POLR3C: variants seen among roughly 807,000 people sequenced by gnomAD.
The protein encoded by POLR3C is RNA polymerase III subunit C.
A neutral mutation model predicts 65.9 loss-of-function variants in POLR3C; 44 were observed. That is an observed-to-expected ratio of 0.67 (90% CI 0.52 to 0.86). The LOEUF is 0.86. POLR3C is among the 40% of genes least tolerant of loss of function. The pLI, the probability that POLR3C is intolerant of heterozygous loss-of-function variation, is 0.00. For missense variants in POLR3C, 576 were observed against 653.2 expected, an observed-to-expected ratio of 0.88 and a Z score of 1.29; for synonymous variants, 263 against 231.6, an observed-to-expected ratio of 1.14 and a Z score of -1.23.
chr1:145,843,403 C>A lies in POLR3C; in HGVS notation c.*983C>A, dbSNP rs1652436615. On this transcript the variant is annotated 3_prime_UTR_variant, in exon 15 of 15. Coordinates refer to ENST00000334163, the MANE Select transcript of POLR3C (RefSeq NM_006468.8). ...TTTTATAATATCTTCAGTTTTCTCT[C>A]ACCAATGTGTTTTCTAATTGTTTAA... Among the ~76,000 whole-genome samples the A allele has an allele frequency of 6.6e-6, 1 of 152,180 alleles. No homozygotes were observed. The highest frequency in any genetic ancestry group is 1.5e-5 in the Non-Finnish European group (1 of 68,030).
intron 7 of POLR3C, 68 bp from the exon 8 acceptor site, chr1:145,836,426 A>G (rs1651848879): frequency 3.3e-6 from 3 of 908,214 alleles, no homozygotes; most frequent in Middle Eastern, 2.1e-4. Context: ...GGCCTAAAAC[A>G]TCTTTATTTC....
At position 145,844,147 on chromosome 1, in the gene POLR3C, C is replaced by T. The variant is rs1652489724; in HGVS notation, c.*1727C>T. ...AAAACAGAACTATGCTCCAGCAGTTCCACTACTGGGTATATATATATCTCC... is the reference window on the plus strand; with the variant it reads ...AAAACAGAACTATGCTCCAGCAGTTTCACTACTGGGTATATATATATCTCC... On this transcript the variant is annotated 3_prime_UTR_variant, in exon 15 of 15. Transcript: ENST00000334163. Among the ~76,000 whole-genome samples, 1 of 152,142 alleles carries T rather than the reference C, an allele frequency of 6.6e-6. No individual in the cohort carries two copies. Among genetic ancestry groups the T allele is most frequent in the African/African-American group, 2.4e-5 (1 of 41,428 alleles).
At chr1:145,832,769 A>T (rs1449450033) in intron 5 of POLR3C, among the ~76,000 whole-genome samples, 1 of 152,146 alleles carries the variant, frequency 6.6e-6, no homozygotes, top group African/African-American at 2.4e-5. Flanking sequence ...CACACCTATA[A>T]TCCCAGCACT....
chr1:145,840,882 A>G, intron 13 of POLR3C, 40 bp from the exon 14 acceptor site: 1 of 1,550,722 alleles, frequency 6.4e-7, no homozygotes, highest in Middle Eastern at 1.7e-4. Flanking sequence ...AGAATCTCCC[A>G]GGTTAGGGAA....
rs1201196967 is a variant in POLR3C, at chr1:145,842,793, T to TGATAGATAGATAGATAGATAGATA, written c.*374_*397dup. 0.059 allele frequency among the ~76,000 whole-genome samples: 8,385 copies of TGATAGATAGATAGATAGATAGATA among 142,370 alleles called. 274 individuals carry two copies. The highest frequency in any genetic ancestry group is 0.091 in the African/African-American group (2,996 of 33,010). The allele number at this position is 142,370 out of a possible 152,430, so 93.4% of individuals were successfully genotyped here. A position where few individuals can be genotyped will look rare whatever the true frequency, so the allele number is the denominator to read the frequency against. On this transcript the variant is annotated 3_prime_UTR_variant, in exon 15 of 15. Transcript: ENST00000334163. ...CTGTTCTTTATTTTGTTGAGATAGG[T>TGATAGATAGATAGATAGATAGATA]GATAGATAGATAGATAGATAGATAA...
Position 145,836,798 on chromosome 1 carries a change from T to C in POLR3C, c.958-17T>C, listed in dbSNP as rs1553728816. On this transcript the variant is annotated splice_polypyrimidine_tract_variant and intron_variant, in intron 8 of 14. Transcript: ENST00000334163. ...TGGACTTTCCGTTCAGTTAACACTC[T>C]CTCTTTTTCTTAATAGCTAGAGTTT... is the stretch of plus-strand genomic sequence containing the variant. 6.5e-7 allele frequency: 1 copy of C among 1,544,046 alleles called. No individual in the cohort carries two copies. Among genetic ancestry groups the C allele is most frequent in the Non-Finnish European group, 8.9e-7 (1 of 1,118,396 alleles).
At chr1:145,837,077 G>A (rs782400723) in intron 9 of POLR3C, among the ~76,000 whole-genome samples, 2 of 152,218 alleles carry the variant, frequency 1.3e-5, no homozygotes, top group Non-Finnish European at 2.9e-5. Context: ...GGGAGGCTGA[G>A]GCAGGTGAAT....
chr1:145,828,268 G>A (rs1250740827), intron 4 of POLR3C, among the ~76,000 whole-genome samples: 1 of 152,312 alleles, frequency 6.6e-6, no homozygotes, highest in Non-Finnish European at 1.5e-5. Context: ...GCTGAATCAA[G>A]TAAGACCTTA....
chr1:145,836,744 C>A, intron 8 of POLR3C, 71 bp from the exon 9 acceptor site: 2 of 1,082,846 alleles, frequency 1.8e-6, no homozygotes, highest in South Asian at 2.6e-5. Context: ...GACTTTTGGT[C>A]AGATTTGTTC....
chr1:145,839,948 A>T lies in POLR3C; in HGVS notation c.1280A>T (p.Asn427Ile), dbSNP rs1652157559. The change falls in exon 12 of 15, where the codon AAC (asparagine) becomes ATC (isoleucine). Residue 427 changes from asparagine (N) to isoleucine (I), a missense_variant. By Grantham distance (149) the Asn-to-Ile change is moderately radical. Transcript: ENST00000334163. ...PSRTFYLYTV[N>I]ILSAARMLLH... ...AGGACCTTCTATTTATATACTGTGAACATCCTGTCAGCTGCCCGAATGTTG... is the reference window on the plus strand; with the variant it reads ...AGGACCTTCTATTTATATACTGTGATCATCCTGTCAGCTGCCCGAATGTTG... 10 of 1,612,596 alleles carry T rather than the reference A, an allele frequency of 6.2e-6. No homozygotes were observed. Among genetic ancestry groups the T allele is most frequent in the Non-Finnish European group, 8.5e-6 (10 of 1,178,646 alleles).
chr1:145,831,895 C>G (rs1325477594), intron 5 of POLR3C, among the ~76,000 whole-genome samples: 1 of 152,022 alleles, frequency 6.6e-6, no homozygotes, highest in East Asian at 1.9e-4. Context: ...ACAAAAATTA[C>G]CCAAGCGTGG....
chr1:145,828,679 G>A, intron 4 of POLR3C, 70 bp from the exon 5 acceptor site: 1 of 1,066,272 alleles, frequency 9.4e-7, no homozygotes, highest in South Asian at 1.3e-5. Flanking sequence ...AAAGACACCT[G>A]CTCTCATGTT....
At chr1:145,834,680 C>T (rs1467039317) in intron 7 of POLR3C, among the ~76,000 whole-genome samples, 2 of 151,898 alleles carry the variant, frequency 1.3e-5, no homozygotes, top group African/African-American at 2.4e-5. Flanking sequence ...TGTTTCACAA[C>T]GGCATTGTGC....
rs1553727689 is a variant in POLR3C, at chr1:145,833,310, C to T, written c.729C>T (p.His243=). Residue 243 remains histidine, a synonymous_variant, in exon 6 of 15, where the codon CAC becomes CAT. Transcript: ENST00000334163. ...IYWQANLDRF[H]QHFRDQAIVS... ...GGCAGGCCAACCTTGACAGATTCCA[C>T]CAACACTTCCGTGACCAAGCCATTG... 5 of 1,613,702 alleles carry T rather than the reference C, an allele frequency of 3.1e-6. No homozygotes were observed. The highest frequency in any genetic ancestry group is 2.2e-5 in the East Asian group (1 of 44,898).
chr1:145,824,940 A>G (rs1371176087), intron 1 of POLR3C, among the ~76,000 whole-genome samples: 1 of 152,118 alleles, frequency 6.6e-6, no homozygotes, highest in African/African-American at 2.4e-5. Context: ...AGACCGCAAA[A>G]TCATCTCCCA....
chr1:145,828,523 AAG>A (rs1225342053), intron 4 of POLR3C, among the ~76,000 whole-genome samples: 3 of 152,176 alleles, frequency 2.0e-5, no homozygotes, highest in East Asian at 1.9e-4. Flanking sequence ...CTGGCCATGA[AAG>A]AGAGCATTGG....
chr1:145,836,919 A>G (rs587604134), intron 9 of POLR3C, 53 bp downstream of exon 9: 326 of 871,848 alleles, frequency 3.7e-4, no homozygotes, highest in Non-Finnish European at 5.8e-4. Context: ...TATAAATCAG[A>G]ATGGTGCCTT....
intron 7 of POLR3C, among the ~76,000 whole-genome samples, chr1:145,834,414 C>T (rs1651615037): frequency 6.6e-6 from 1 of 151,978 alleles, no homozygotes; most frequent in Admixed American, 6.6e-5. Context: ...CGCCTGTAAT[C>T]CTAGCACTTT....
chr1:145,836,921 T>C (rs1651900636), intron 9 of POLR3C, 55 bp downstream of exon 9: 1 of 863,208 alleles, frequency 1.2e-6, no homozygotes, highest in Non-Finnish European at 1.9e-6. Context: ...TAAATCAGAA[T>C]GGTGCCTTAG....
Sources: allele counts gnomAD v4.1 joint callset (sites outside exome capture counted in the v4.1 genomes callset), GRCh38; gene constraint gnomAD v4.1.1; transcripts MANE v1.5; gene names NCBI Gene and HGNC (gene_info 2026-07-23, HGNC 2026-07-21).